Variants in SLC29A3 observed in about 807,000 individuals in gnomAD.
The protein encoded by SLC29A3 is equilibrative nucleoside transporter 3.
SLC29A3 carries 18 observed loss-of-function variants against 25.4 expected under a neutral mutation model. The ratio of observed to expected loss-of-function variants is 0.71; its 90% CI spans 0.49 to 1.05. The LOEUF (loss-of-function observed/expected upper bound fraction) is 1.05. Ranked by LOEUF, SLC29A3 falls within the 50% of genes least tolerant of loss-of-function variation. The pLI, the probability that SLC29A3 is intolerant of heterozygous loss-of-function variation, is 0.00. For synonymous variants in SLC29A3, 258 were observed against 267.1 expected (o/e 0.97, Z 0.33); for missense variants, 586 against 609.0 (o/e 0.96, Z 0.40).
intron 3 of SLC29A3, among the ~76,000 whole-genome samples, chr10:71,350,665 G>A (rs1430511897): frequency 6.6e-6 from 1 of 152,184 alleles, no homozygotes; most frequent in Non-Finnish European, 1.5e-5. Flanking sequence ...GCCCCAGGCA[G>A]CACTAACTTG....
At chr10:71,333,773 G>A (rs1029554943) in intron 2 of SLC29A3, among the ~76,000 whole-genome samples, 7 of 152,220 alleles carry the variant, frequency 4.6e-5, no homozygotes, top group Non-Finnish European at 1.0e-4. Context: ...TGGCTGGCCC[G>A]AGCATCAGCA....
At chr10:71,325,068 G>T (rs1845935457) in intron 2 of SLC29A3, among the ~76,000 whole-genome samples, 1 of 152,190 alleles carries the variant, frequency 6.6e-6, no homozygotes, top group Admixed American at 6.5e-5. Context: ...CTGCCCAGCT[G>T]TGCCCTTCTT....
chr10:71,371,408 G>A (rs1460600771), intron 3 of SLC29A3, among the ~76,000 whole-genome samples: 1 of 152,084 alleles, frequency 6.6e-6, no homozygotes, highest in Non-Finnish European at 1.5e-5. Flanking sequence ...CTTAATCTGG[G>A]GCCTCTGGGT....
intron 2 of SLC29A3, among the ~76,000 whole-genome samples, chr10:71,323,806 T>C (rs1360078751): frequency 6.6e-6 from 1 of 152,104 alleles, no homozygotes; most frequent in East Asian, 1.9e-4. Context: ...GAGGAAACGA[T>C]CCAGGTAGAA....
At chr10:71,350,450 C>G (rs1846724519) in intron 3 of SLC29A3, among the ~76,000 whole-genome samples, 1 of 151,540 alleles carries the variant, frequency 6.6e-6, no homozygotes, top group Non-Finnish European at 1.5e-5. Context: ...GGAAAATTAA[C>G]TACACATCCA....
chr10:71,340,406 C>T (rs1846371139), intron 2 of SLC29A3, among the ~76,000 whole-genome samples: 1 of 152,218 alleles, frequency 6.6e-6, no homozygotes, highest in Non-Finnish European at 1.5e-5. Context: ...CACAGTGGCC[C>T]CACTGCCAGC....
At chr10:71,366,358 A>G (rs1161912827), downstream of SLC29A3, 4 of 152,158 alleles carry the variant, frequency 2.6e-5, no homozygotes, top group Admixed American at 2.6e-4. Flanking sequence ...CTTATAATAA[A>G]ATGTGAGAGA....
intron 2 of SLC29A3, among the ~76,000 whole-genome samples, chr10:71,338,866 C>T (rs968946720): frequency 6.6e-6 from 1 of 152,256 alleles, no homozygotes; most frequent in Non-Finnish European, 1.5e-5. Flanking sequence ...AGGAACGTGT[C>T]TCACATTCCT....
chr10:71,374,569 TG>T (rs1363508782), intron 3 of SLC29A3, among the ~76,000 whole-genome samples: 1 of 152,162 alleles, frequency 6.6e-6, no homozygotes, highest in Non-Finnish European at 1.5e-5. Flanking sequence ...CCTAGATTTT[TG>T]GGCAGAGAAC....
chr10:71,360,332 T>TG (rs1785972133), intron 5 of SLC29A3, among the ~76,000 whole-genome samples: 1 of 151,868 alleles, frequency 6.6e-6, no homozygotes, highest in Non-Finnish European at 1.5e-5. Flanking sequence ...TTAGTAGAGG[T>TG]GGGGTTTCAC....
chr10:71,361,780 C>T (rs1351469127), intron 5 of SLC29A3, among the ~76,000 whole-genome samples, 174 bp from the exon 6 acceptor site: 1 of 152,202 alleles, frequency 6.6e-6, no homozygotes, highest in Non-Finnish European at 1.5e-5. Context: ...CAGGCCTTCC[C>T]CTGGCCACCC....
intron 2 of SLC29A3, among the ~76,000 whole-genome samples, chr10:71,337,454 A>C (rs908596107): frequency 2.6e-5 from 4 of 152,212 alleles, no homozygotes; most frequent in African/African-American, 9.6e-5. Flanking sequence ...TGCTAATTTC[A>C]TGCCCCTGTG....
downstream of SLC29A3, among the ~76,000 whole-genome samples, chr10:71,366,861 G>T (rs1847174689): frequency 6.6e-6 from 1 of 152,196 alleles, no homozygotes. Context: ...AGTACCTCGT[G>T]CCTATTCTAC....
At chr10:71,361,862 C>T in intron 5 of SLC29A3, 92 bp from the exon 6 acceptor site, 2 of 1,476,734 alleles carry the variant, frequency 1.4e-6, no homozygotes, top group Non-Finnish European at 1.9e-6. Flanking sequence ...CCATGCTGGG[C>T]TGGAAGGTTC....
At chr10:71,380,906 G>T (rs947798751) in exon 5 of SLC29A3, 1 of 152,004 alleles carries the variant, frequency 6.6e-6, no homozygotes, top group African/African-American at 2.4e-5. Flanking sequence ...ATTATGAAAA[G>T]TTTCCAACAT....
chr10:71,359,476 G>A (rs780654), intron 5 of SLC29A3, among the ~76,000 whole-genome samples: 81,527 of 152,078 alleles, frequency 0.54, 23,563 homozygotes, highest in Middle Eastern at 0.65. Context: ...AGGACCTGAC[G>A]ACGCTGAATA....
chr10:71,368,456 C>T (rs1412575228), intron 3 of SLC29A3, among the ~76,000 whole-genome samples: 3 of 152,186 alleles, frequency 2.0e-5, no homozygotes, highest in South Asian at 2.1e-4. Context: ...CCAGGCCCCT[C>T]GCCTGGCCCC....
chr10:71,347,903 T>C (rs1846635346), intron 3 of SLC29A3, among the ~76,000 whole-genome samples: 2 of 152,102 alleles, frequency 1.3e-5, no homozygotes, highest in Non-Finnish European at 2.9e-5. Context: ...ACTTATTACC[T>C]TGTAGCGACA....
chr10:71,326,743 C>G (rs918296636), intron 2 of SLC29A3, among the ~76,000 whole-genome samples: 117 of 152,228 alleles, frequency 7.7e-4, no homozygotes, highest in African/African-American at 2.8e-3. Flanking sequence ...AGGCACTTGG[C>G]ATTCTGAGCC....
Sources: gnomAD v4.1 joint callset for allele counts (sites outside exome capture counted in the v4.1 genomes callset) on GRCh38, gnomAD v4.1.1 for gene constraint, MANE v1.5 for transcripts, NCBI Gene and HGNC (gene_info 2026-07-23, HGNC 2026-07-21) for gene names.